Variants in SMPD4 observed in about 807,000 individuals in gnomAD.
The protein encoded by SMPD4 is sphingomyelin phosphodiesterase 4.
In SMPD4, 58 loss-of-function variants were observed where a neutral mutation model predicts 97.8. The observed-to-expected ratio is 0.59, with a 90% CI of 0.48 to 0.74. The LOEUF is 0.74. SMPD4 is among the 30% of genes least tolerant of loss of function. SMPD4 has a pLI of 0.00. For missense variants in SMPD4, 853 were observed against 1,080.5 expected (o/e 0.79, Z 2.95); for synonymous variants, 388 against 450.0 (o/e 0.86, Z 1.74).
In SMPD4 at chr2:130,161,246, A is replaced by G. The variant is rs766354912; in HGVS notation, c.891T>C (p.Ser297=). Residue 297 remains serine, a synonymous_variant, in exon 11 of 20, where the codon AGT becomes AGC. Transcript: ENST00000680298. ...CGGGGCTGTAGAGGGCGCTGGAGAC[A>G]CTGAGTCGGTAGTGCAGAACCTCCA... ...AKLEVLHYRL[S]VSSALYSPAQ... 4.5e-5 allele frequency: 72 copies of G among 1,613,948 alleles called. No homozygotes were observed. Among genetic ancestry groups the G allele is most frequent in the Non-Finnish European group, 5.9e-5 (70 of 1,180,006 alleles).
chr2:130,172,689 G>A lies in SMPD4; in HGVS notation c.455-12C>T, dbSNP rs770487724. On this transcript the variant is annotated splice_polypyrimidine_tract_variant and intron_variant, in intron 6 of 19. Coordinates refer to ENST00000680298, the MANE Select transcript of SMPD4 (RefSeq NM_017951.5). ...ATACTCGAACGGATCTGAGAGCAGC[G>A]TCAGGGGCAAACATGCAGGGTTGAT... 1.7e-5 allele frequency: 27 copies of A among 1,614,096 alleles called. No homozygotes were observed. Among genetic ancestry groups the A allele is most frequent in the South Asian group, 2.2e-5 (2 of 91,090 alleles).
chr2:130,161,783 A>G (rs1437397614), intron 10 of SMPD4, among the ~76,000 whole-genome samples: 3 of 152,192 alleles, frequency 2.0e-5, no homozygotes, highest in Non-Finnish European at 4.4e-5. Context: ...TGAGGCTCAG[A>G]AAAGAAACCA....
At position 130,156,099 on chromosome 2, in the gene SMPD4, G is replaced by A. The variant is rs1464215406; in HGVS notation, c.1225C>T (p.Arg409Trp). 1.9e-6 allele frequency: 3 copies of A among 1,611,124 alleles called. No homozygotes were observed. The highest frequency in any genetic ancestry group is 3.3e-5 in the Admixed American group (2 of 59,998). Residue 409 changes from arginine to tryptophan, a missense_variant, in exon 14 of 20, where the codon CGG (arginine) becomes TGG (tryptophan). Transcript: ENST00000680298. Reference protein sequence around the residue: ...EMWLSYLQPWRYAPDKQAPGS... With the variant: ...EMWLSYLQPWWYAPDKQAPGS... The stretch of plus-strand genomic sequence containing the variant: ...GGAGCCTGCTTGTCAGGCGCGTACC[G>A]CCACGGCTGCAGGTAGCTCAGCCAC...
chr2:130,170,447 TAAGACCCTGTCAAAAAAAAA>T (rs1688338288), intron 8 of SMPD4, among the ~76,000 whole-genome samples: 1 of 47,164 alleles, frequency 2.1e-5, no homozygotes, highest in South Asian at 6.4e-4. Flanking sequence ...GGCAACAGAG[TAAGACCCTGTCAAAAAAAAA>T]AAAAAAAGCA....
intron 8 of SMPD4, among the ~76,000 whole-genome samples, chr2:130,171,391 C>T (rs115613659): frequency 0.01 from 1,587 of 152,086 alleles, 33 homozygotes; most frequent in African/African-American, 0.036. Context: ...GCATCAGTCA[C>T]CACTCCCAGC....
intron 10 of SMPD4, 44 bp downstream of exon 10, chr2:130,164,330 G>A (rs758894527): frequency 2.6e-6 from 4 of 1,530,788 alleles, no homozygotes; most frequent in Admixed American, 3.3e-5. Flanking sequence ...AGCAGGCTGA[G>A]CAGGGTCAGA....
chr2:130,167,479 C>G lies in SMPD4; in HGVS notation c.771G>C (p.Trp257Cys). 1 of 1,613,706 alleles carries G rather than the reference C, an allele frequency of 6.2e-7. No individual in the cohort carries two copies. ...VNADPASHEIWRSETLLQVFV... is the reference protein window; with the variant it reads ...VNADPASHEICRSETLLQVFV... ...TCACCTGGAGCAGAGTTTCTGACCT[C>G]CAGATCTCGTGGGAGGCGGGGTCTG... is the stretch of plus-strand genomic sequence containing the variant. Residue 257 changes from tryptophan (W) to cysteine (C), a missense_variant, in exon 9 of 20, where the codon TGG becomes TGC. Physicochemically the swap from Trp to Cys is radical, Grantham distance 215. This residue lies in a region of SMPD4 where 313 missense variants were observed against 402.2 expected (regional missense o/e 0.78). Coordinates refer to ENST00000680298, the MANE Select transcript of SMPD4 (RefSeq NM_017951.5).
At position 130,152,028 on chromosome 2, in the gene SMPD4, A is replaced by G. The variant is rs1686289906; in HGVS notation, c.*527T>C. On this transcript the variant is annotated 3_prime_UTR_variant, in exon 20 of 20. Coordinates refer to ENST00000680298, the MANE Select transcript of SMPD4 (RefSeq NM_017951.5). Reference sequence around the variant, plus strand: ...ACATGAAGAACGCCCCTCACAGTGAAGAATCAGGACAGCCACTCTCTGGTT... The same window carrying G: ...ACATGAAGAACGCCCCTCACAGTGAGGAATCAGGACAGCCACTCTCTGGTT... 1 of 153,944 alleles carries G rather than the reference A, an allele frequency of 6.5e-6. No homozygotes were observed. 9.5% of individuals were successfully genotyped at this position (153,944 alleles called of 1,614,324 possible). A position where few individuals can be genotyped will look rare whatever the true frequency, so the allele number is the denominator to read the frequency against.
intron 9 of SMPD4, among the ~76,000 whole-genome samples, chr2:130,165,108 TA>T (rs35361623): frequency 0.041 from 2,554 of 61,874 alleles, 116 homozygotes; most frequent in African/African-American, 0.14. Flanking sequence ...GACTCTGATT[TA>T]AAAAAAAAAA....
chr2:130,157,188 C>T (rs180747214), intron 12 of SMPD4, 63 bp downstream of exon 12: 12 of 1,550,092 alleles, frequency 7.7e-6, no homozygotes, highest in Admixed American at 7.7e-5. Flanking sequence ...TCGCTGTGGG[C>T]GACACCTTAG....
chr2:130,166,003 ATAAT>A (rs1234151764), intron 9 of SMPD4, among the ~76,000 whole-genome samples: 2 of 152,144 alleles, frequency 1.3e-5, no homozygotes, highest in East Asian at 3.8e-4. Context: ...TATATATCTT[ATAAT>A]TAAATTTTTT....
intron 8 of SMPD4, among the ~76,000 whole-genome samples, chr2:130,169,754 G>A (rs1242861651): frequency 6.6e-6 from 1 of 151,948 alleles, no homozygotes; most frequent in East Asian, 1.9e-4. Flanking sequence ...GTCTCCCGAC[G>A]TTGCCCACAC....
intron 8 of SMPD4, 128 bp downstream of exon 8, chr2:130,172,221 G>A (rs1391090847): frequency 1.9e-6 from 2 of 1,067,646 alleles, no homozygotes; most frequent in South Asian, 1.7e-5. Flanking sequence ...AGCTGGGGAT[G>A]GGGAATGAGG....
chr2:130,180,772 A>G (rs572879236), intron 1 of SMPD4, among the ~76,000 whole-genome samples: 10 of 152,208 alleles, frequency 6.6e-5, no homozygotes, highest in Non-Finnish European at 1.3e-4. Flanking sequence ...AGCGACTGAA[A>G]GAATGAGGCC....
intron 1 of SMPD4, among the ~76,000 whole-genome samples, chr2:130,179,242 T>G (rs1246880507): frequency 6.6e-6 from 1 of 150,464 alleles, no homozygotes; most frequent in Non-Finnish European, 1.5e-5. Context: ...TGCCTCAGCC[T>G]CCCGAGTAGC....
At position 130,156,139 on chromosome 2, in the gene SMPD4, T is replaced by C. The variant is rs748485244; in HGVS notation, c.1189-4A>G. Reference sequence around the variant, plus strand: ...AGCTCAGCCACATCTCCAGGACCTGTGGGGGAGGTGTGTGCTAAGGGCTCC... The same window carrying C: ...AGCTCAGCCACATCTCCAGGACCTGCGGGGGAGGTGTGTGCTAAGGGCTCC... On this transcript the variant is annotated splice_polypyrimidine_tract_variant and splice_region_variant and intron_variant, in intron 13 of 19. Transcript: ENST00000680298. The C allele has an allele frequency of 6.2e-6, 10 of 1,607,608 alleles. No individual in the cohort carries two copies. In the Admixed American group the frequency reaches 6.7e-5, roughly 11 times the overall value.
intron 8 of SMPD4, among the ~76,000 whole-genome samples, chr2:130,169,336 G>T (rs551402431): frequency 1.6e-4 from 25 of 152,300 alleles, no homozygotes; most frequent in African/African-American, 6.0e-4. Context: ...TGTGAGGCCT[G>T]GTGGCAATAC....
At position 130,165,374 on chromosome 2, in the gene SMPD4, C is replaced by T. The variant is rs1341679648; in HGVS notation, c.793-929G>A. On this transcript the variant is annotated intron_variant, in intron 9 of 19. Transcript: ENST00000680298. ...CCAACAGGCAGAGGTTGTGGTAAGC[C>T]AAAATCGTGCCACTCCACTCCAACC... 3.4e-5 allele frequency among the ~76,000 whole-genome samples: 5 copies of T among 146,850 alleles called. No homozygotes were observed. The East Asian group carries it at 1.0e-3, about 30-fold the overall frequency.
chr2:130,154,088 T>G (rs1286275483), intron 16 of SMPD4, 153 bp from the exon 17 acceptor site: 12 of 1,097,234 alleles, frequency 1.1e-5, no homozygotes, highest in African/African-American at 1.6e-5. Context: ...CTTCTACATT[T>G]GAAATTTCCC....
Sources: allele counts gnomAD v4.1 joint callset (sites outside exome capture counted in the v4.1 genomes callset), GRCh38; gene constraint gnomAD v4.1.1; regional missense constraint gnomAD v4.1.1; transcripts MANE v1.5; gene names NCBI Gene and HGNC (gene_info 2026-07-23, HGNC 2026-07-21).